ZFYVE9: variants seen among roughly 807,000 people sequenced by gnomAD.
ZFYVE9 encodes the protein zinc finger FYVE domain-containing protein 9.
A neutral mutation model predicts 126.7 loss-of-function variants in ZFYVE9; 43 were observed. That is an observed-to-expected ratio of 0.34 (90% CI 0.27 to 0.44). The LOEUF (loss-of-function observed/expected upper bound fraction) is 0.44, where lower values mean the gene tolerates loss of function less well. ZFYVE9 is among the 20% of genes least tolerant of loss of function. The pLI is 1.00. For synonymous variants in ZFYVE9, 521 were observed against 597.4 expected, an observed-to-expected ratio of 0.87 and a Z score of 1.87; for missense variants, 1,476 against 1,697.0, an observed-to-expected ratio of 0.87 and a Z score of 2.29.
At chr1:52,186,252 AC>A (rs1227731029) in intron 1 of ZFYVE9, among the ~76,000 whole-genome samples, 9 of 149,264 alleles carry the variant, frequency 6.0e-5, no homozygotes, top group South Asian at 2.1e-4. Flanking sequence ...AAAAAAAAAA[AC>A]AAAACAAAAC....
At chr1:52,272,408 C>G (rs1350932034) in intron 7 of ZFYVE9, among the ~76,000 whole-genome samples, 1 of 152,172 alleles carries the variant, frequency 6.6e-6, no homozygotes, top group Non-Finnish European at 1.5e-5. Context: ...AACCATTGTT[C>G]TCACTTCTGT....
Position 52,303,884 on chromosome 1 carries a change from C to T in ZFYVE9, c.3397C>T (p.Arg1133Trp), listed in dbSNP as rs760825781. The T allele has an allele frequency of 1.7e-5, 27 of 1,597,646 alleles. No homozygotes were observed. The highest frequency in any genetic ancestry group is 6.8e-5 in the South Asian group (6 of 88,130). ...AGGTTTGGTGGTTGATATGGAAGTT[C>T]GGAAAACTAGCATCAAAATTCCCAG... Reference protein sequence around the residue: ...VQGLVVDMEVRKTSIKIPSNR... With the variant: ...VQGLVVDMEVWKTSIKIPSNR... The change falls in exon 13 of 19, where the codon CGG (arginine) becomes TGG (tryptophan). Residue 1133 changes from arginine (R) to tryptophan (W), a missense_variant. Arg to Trp is a moderately radical substitution (Grantham distance 101, BLOSUM62 -3). This residue lies in a region of ZFYVE9 where 669 missense variants were observed against 902.4 expected (regional missense o/e 0.74). Coordinates refer to ENST00000287727, the MANE Select transcript of ZFYVE9 (RefSeq NM_004799.4).
chr1:52,270,559 T>C (rs552116912), intron 7 of ZFYVE9, among the ~76,000 whole-genome samples: 24 of 152,296 alleles, frequency 1.6e-4, no homozygotes, highest in South Asian at 8.3e-4. Context: ...CCACCGCGCC[T>C]GGCCTATAGC....
intron 1 of ZFYVE9, among the ~76,000 whole-genome samples, chr1:52,211,150 TATTACCTTTCATGACC>T (rs1645025151): frequency 6.6e-6 from 1 of 152,202 alleles, no homozygotes; most frequent in South Asian, 2.1e-4. Context: ...TCAGAAACTG[TATTACCTTTCATGACC>T]TGGTCTTGGA....
At chr1:52,326,539 G>A (rs1646293468) in intron 13 of ZFYVE9, among the ~76,000 whole-genome samples, 1 of 152,004 alleles carries the variant, frequency 6.6e-6, no homozygotes, top group African/African-American at 2.4e-5. Flanking sequence ...TTACGAGCAA[G>A]GCCAGTATTC....
At position 52,237,952 on chromosome 1, in the gene ZFYVE9, G is replaced by C; in HGVS notation, c.535G>C (p.Asp179His). ...CNNYNSQSLM[D>H]AFSCSLDNEN... is the part of the protein sequence containing the mutation. Reference sequence around the variant, plus strand: ...TAATTATAATAGTCAATCCCTTATGGATGCTTTTAGCTGTTCACTGGATAA... The same window carrying C: ...TAATTATAATAGTCAATCCCTTATGCATGCTTTTAGCTGTTCACTGGATAA... Residue 179 changes from aspartate to histidine, a missense_variant, in exon 4 of 19, where the codon GAT becomes CAT. Asp to His is a moderately conservative substitution (Grantham distance 81, BLOSUM62 -1). Transcript: ENST00000287727. 1 of 1,613,994 alleles carries C rather than the reference G, an allele frequency of 6.2e-7. No homozygotes were observed. Among genetic ancestry groups the C allele is most frequent in the East Asian group, 2.2e-5 (1 of 44,872 alleles).
intron 4 of ZFYVE9, among the ~76,000 whole-genome samples, chr1:52,244,464 T>C (rs1319591700): frequency 6.6e-6 from 1 of 152,266 alleles, no homozygotes; most frequent in East Asian, 1.9e-4. Context: ...AAGTTAGTGG[T>C]GAGAGCATGA....
intron 1 of ZFYVE9, among the ~76,000 whole-genome samples, chr1:52,187,059 C>T (rs1225069324): frequency 6.6e-6 from 1 of 152,112 alleles, no homozygotes; most frequent in Non-Finnish European, 1.5e-5. Flanking sequence ...TATTACCCCA[C>T]TCAAACTATA....
At chr1:52,194,660 G>T (rs1478422387) in intron 1 of ZFYVE9, among the ~76,000 whole-genome samples, 1 of 152,114 alleles carries the variant, frequency 6.6e-6, no homozygotes, top group South Asian at 2.1e-4. Flanking sequence ...AGCATGTTTG[G>T]TGGAAAACTT....
chr1:52,197,876 A>G (rs985671483), intron 1 of ZFYVE9, among the ~76,000 whole-genome samples: 1 of 152,188 alleles, frequency 6.6e-6, no homozygotes, highest in Non-Finnish European at 1.5e-5. Context: ...TTCCTCTTGA[A>G]TGTGAAGGGT....
At chr1:52,253,631 C>A in intron 4 of ZFYVE9, 2 of 1,423,536 alleles carry the variant, frequency 1.4e-6, no homozygotes, top group Non-Finnish European at 2.0e-6. Flanking sequence ...ATGACCACAC[C>A]AAACAAGGCA....
chr1:52,345,333 C>A (rs2147881286), intron 18 of ZFYVE9, among the ~76,000 whole-genome samples: 1 of 152,264 alleles, frequency 6.6e-6, no homozygotes, highest in African/African-American at 2.4e-5. Flanking sequence ...GATCCCCCTT[C>A]CCCACTGAGT....
intron 1 of ZFYVE9, among the ~76,000 whole-genome samples, chr1:52,215,432 T>C (rs527718802): frequency 7.5e-4 from 115 of 152,326 alleles, no homozygotes; most frequent in Non-Finnish European, 1.5e-3. Context: ...CTTTTACTTA[T>C]TCTCTTATTT....
At position 52,237,661 on chromosome 1, in the gene ZFYVE9, A is replaced by T. The variant is rs374257191; in HGVS notation, c.244A>T (p.Thr82Ser). The T allele has an allele frequency of 6.2e-7, 1 of 1,613,988 alleles. No homozygotes were observed. Among genetic ancestry groups the T allele is most frequent in the Non-Finnish European group, 8.5e-7 (1 of 1,179,978 alleles). ...CCTGGCTCATTCAGCTCCCCTGACC[A>T]CAGAGGAAGAGGATCACTGTGCTAA... is the stretch of plus-strand genomic sequence containing the variant. ...FSLAHSAPLTTEEEDHCANGQ... is the reference protein window; with the variant it reads ...FSLAHSAPLTSEEEDHCANGQ... The change falls in exon 4 of 19, where the codon ACA (threonine) becomes TCA (serine). Residue 82 changes from threonine (T) to serine (S), a missense_variant. Physicochemically the swap from Thr to Ser is moderately conservative, Grantham distance 58 (BLOSUM62 1). This residue lies in a region of ZFYVE9 where 807 missense variants were observed against 794.6 expected (regional missense o/e 1.02). Transcript: ENST00000287727.
chr1:52,263,946 C>A, intron 5 of ZFYVE9, 74 bp downstream of exon 5: 2 of 947,636 alleles, frequency 2.1e-6, no homozygotes, highest in East Asian at 2.9e-5. Flanking sequence ...GACTTTTTTC[C>A]CCCTGCCTTT....
intron 13 of ZFYVE9, among the ~76,000 whole-genome samples, chr1:52,330,609 G>A (rs530705729): frequency 1.3e-5 from 2 of 152,280 alleles, no homozygotes; most frequent in South Asian, 2.1e-4. Context: ...GCATGCTAAT[G>A]CATTATAATT....
chr1:52,165,712 G>T (rs1438026451), intron 1 of ZFYVE9, among the ~76,000 whole-genome samples: 1 of 152,160 alleles, frequency 6.6e-6, no homozygotes, highest in African/African-American at 2.4e-5. Context: ...AGAACCATTG[G>T]CTTAGAACTC....
At chr1:52,276,668 C>A (rs1645751277) in intron 8 of ZFYVE9, among the ~76,000 whole-genome samples, 1 of 152,162 alleles carries the variant, frequency 6.6e-6, no homozygotes, top group Non-Finnish European at 1.5e-5. Context: ...CTGTAGACTT[C>A]CTGAAGAACT....
chr1:52,325,838 A>C (rs1382955527), intron 13 of ZFYVE9, among the ~76,000 whole-genome samples: 1 of 152,226 alleles, frequency 6.6e-6, no homozygotes, highest in Non-Finnish European at 1.5e-5. Context: ...AAGGCTAGTC[A>C]TTTTTTAAAC....
Sources: allele counts gnomAD v4.1 joint callset (sites outside exome capture counted in the v4.1 genomes callset), GRCh38; gene constraint gnomAD v4.1.1; regional missense constraint gnomAD v4.1.1; transcripts MANE v1.5; gene names NCBI Gene and HGNC (gene_info 2026-07-23, HGNC 2026-07-21).